PDE10A: variants seen among roughly 807,000 people sequenced by gnomAD.
The protein encoded by PDE10A is cAMP and cAMP-inhibited cGMP 3',5'-cyclic phosphodiesterase 10A.
PDE10A carries 39 observed loss-of-function variants against 97.7 expected under a neutral mutation model. That is an observed-to-expected ratio of 0.40 (90% CI 0.31 to 0.52). PDE10A has a LOEUF of 0.52. Among genes scored for constraint, PDE10A ranks in the 20% least tolerant of loss-of-function variants. The pLI is 0.56. For missense variants in PDE10A, 731 were observed against 1,047.8 expected (o/e 0.70, Z 4.17); for synonymous variants, 371 against 376.8 (o/e 0.98, Z 0.18).
intron 1 of PDE10A, among the ~76,000 whole-genome samples, chr6:165,649,621 G>A (rs1265252352): frequency 6.6e-6 from 1 of 152,122 alleles, no homozygotes. Flanking sequence ...AGCTGCTGAG[G>A]AAGAGGTGCA....
intron 1 of PDE10A, among the ~76,000 whole-genome samples, chr6:165,600,057 G>A (rs1786847770): frequency 1.3e-5 from 2 of 152,066 alleles, no homozygotes; most frequent in South Asian, 4.2e-4. Context: ...GTCCGACCGG[G>A]GAATCCTCGC....
chr6:165,862,676 C>CTT (rs200141487), intron 1 of PDE10A, among the ~76,000 whole-genome samples: 4,397 of 140,376 alleles, frequency 0.031, 94 homozygotes, highest in Non-Finnish European at 0.043. Flanking sequence ...AGCAGTCGTC[C>CTT]TTTTTTTTTT....
chr6:165,824,246 T>A (rs939383822), intron 1 of PDE10A, among the ~76,000 whole-genome samples: 5 of 152,192 alleles, frequency 3.3e-5, no homozygotes, highest in Admixed American at 2.0e-4. Flanking sequence ...TCACTAAAAC[T>A]TCTTAATAGC....
intron 2 of PDE10A, among the ~76,000 whole-genome samples, chr6:165,485,467 CAA>C (rs534131585): frequency 1.8e-4 from 9 of 50,250 alleles, no homozygotes; most frequent in Middle Eastern, 0.011. Context: ...GACTCTGTCT[CAA>C]AAAAAAAAAA....
intron 18 of PDE10A, among the ~76,000 whole-genome samples, chr6:165,376,867 T>C (rs1298628148): frequency 6.6e-6 from 1 of 152,106 alleles, no homozygotes; most frequent in African/African-American, 2.4e-5. Context: ...TGCAGTGAGC[T>C]ATGATGATGC....
At chr6:165,752,870 C>T (rs1425415476) in intron 1 of PDE10A, among the ~76,000 whole-genome samples, 2 of 152,208 alleles carry the variant, frequency 1.3e-5, no homozygotes, top group Non-Finnish European at 2.9e-5. Flanking sequence ...AAGGAAGTCA[C>T]CTGCTAACAG....
At chr6:165,926,171 C>T (rs987898302) in intron 1 of PDE10A, among the ~76,000 whole-genome samples, 1 of 152,182 alleles carries the variant, frequency 6.6e-6, no homozygotes, top group Non-Finnish European at 1.5e-5. Flanking sequence ...GAATGAAGTA[C>T]CAGCAATAGT....
At chr6:165,489,692 A>G (rs115569916) in intron 2 of PDE10A, among the ~76,000 whole-genome samples, 306 of 152,302 alleles carry the variant, frequency 2.0e-3, no homozygotes, top group African/African-American at 7.2e-3. Context: ...AAGAAATCAA[A>G]AAAAATGACA....
intron 13 of PDE10A, among the ~76,000 whole-genome samples, chr6:165,401,478 T>C (rs1786659547): frequency 6.6e-6 from 1 of 152,204 alleles, no homozygotes; most frequent in East Asian, 1.9e-4. Flanking sequence ...CTTTGTCTTT[T>C]TGTGAAAGAA....
intron 1 of PDE10A, among the ~76,000 whole-genome samples, chr6:165,544,516 T>C (rs1439757266): frequency 4.0e-5 from 6 of 151,796 alleles, no homozygotes; most frequent in African/African-American, 1.5e-4. Flanking sequence ...TTATTTTTAC[T>C]ACTGTATCTT....
intron 1 of PDE10A, among the ~76,000 whole-genome samples, chr6:165,950,219 C>A (rs942681571): frequency 2.0e-5 from 3 of 151,998 alleles, no homozygotes; most frequent in African/African-American, 7.2e-5. Flanking sequence ...TAGGAGATCC[C>A]AAAAAATACT....
intron 1 of PDE10A, among the ~76,000 whole-genome samples, chr6:165,757,666 T>C (rs145835681): frequency 6.6e-6 from 1 of 152,192 alleles, no homozygotes; most frequent in African/African-American, 2.4e-5. Context: ...ATTTCTGGAC[T>C]TTCTAATCTG....
intron 1 of PDE10A, among the ~76,000 whole-genome samples, chr6:165,560,274 A>C (rs1784457211): frequency 6.6e-6 from 1 of 152,220 alleles, no homozygotes; most frequent in East Asian, 1.9e-4. Flanking sequence ...TATGCTAAGA[A>C]ATGTAACCAA....
intron 1 of PDE10A, among the ~76,000 whole-genome samples, chr6:165,970,221 A>G (rs891193960): frequency 6.6e-6 from 1 of 151,946 alleles, no homozygotes; most frequent in African/African-American, 2.4e-5. Context: ...CTCCAGACTG[A>G]AGGAAACCAA....
At chr6:165,634,223 A>G (rs560157777) in intron 1 of PDE10A, among the ~76,000 whole-genome samples, 36 of 152,152 alleles carry the variant, frequency 2.4e-4, no homozygotes, top group African/African-American at 8.4e-4. Flanking sequence ...TGTGGAATGC[A>G]TGTGTCTGCA....
chr6:165,819,366 A>G lies in PDE10A; in HGVS notation c.-615+168163T>C, dbSNP rs1779504879. Among the ~76,000 whole-genome samples the G allele has an allele frequency of 1.3e-5, 2 of 152,126 alleles. No homozygotes were observed. Among genetic ancestry groups the G allele is most frequent in the African/African-American group, 4.8e-5 (2 of 41,426 alleles). On this transcript the variant is annotated intron_variant, in intron 1 of 19. Transcript: ENST00000366882. The surrounding 1 kb of genome is among the most constrained non-coding windows in gnomAD (Gnocchi z 4.2). ...CTTCCCCTGAGAGATTCAGATGCTC[A>G]TCCTCAGCTCCTGTTGCCTGATGCA...
chr6:165,714,020 G>C (rs1791967019), intron 1 of PDE10A, among the ~76,000 whole-genome samples: 1 of 152,216 alleles, frequency 6.6e-6, no homozygotes, highest in Non-Finnish European at 1.5e-5. Context: ...TATAGGGAGG[G>C]CAGCTGTGTG....
chr6:165,747,327 C>G (rs1237680716), intron 1 of PDE10A, among the ~76,000 whole-genome samples: 1 of 152,154 alleles, frequency 6.6e-6, no homozygotes, highest in East Asian at 1.9e-4. Flanking sequence ...AGGCTACACA[C>G]AGAGATTAGC....
chr6:165,839,908 A>ATTCATCCCAT (rs1562762597), intron 1 of PDE10A, among the ~76,000 whole-genome samples: 3 of 11,682 alleles, frequency 2.6e-4, no homozygotes, highest in South Asian at 3.5e-3. Context: ...CCCATCTCCA[A>ATTCATCCCAT]CTCCATCCCC....
Sources: gnomAD v4.1 joint callset for allele counts (sites outside exome capture counted in the v4.1 genomes callset) on GRCh38, gnomAD v4.1.1 for gene constraint, Gnocchi (gnomAD v3.1) non-coding constraint, MANE v1.5 for transcripts, NCBI Gene and HGNC (gene_info 2026-07-23, HGNC 2026-07-21) for gene names.